The following MAPKAP1 variants were observed in gnomAD, a reference collection of about 807,000 sequenced individuals.
MAPKAP1 encodes the protein target of rapamycin complex 2 subunit MAPKAP1.
In MAPKAP1, 20 loss-of-function variants were observed where a neutral mutation model predicts 65.7. The ratio of observed to expected loss-of-function variants is 0.30; its 90% CI spans 0.21 to 0.44. The LOEUF is 0.44. Ranked by LOEUF, MAPKAP1 falls within the 20% of genes least tolerant of loss-of-function variation. The probability of loss-of-function intolerance (pLI) is 1.00; values close to 1 mark genes in which losing one functional copy is unlikely to be tolerated. For missense variants in MAPKAP1, 423 were observed against 648.0 expected, an observed-to-expected ratio of 0.65 and a Z score of 3.77; for synonymous variants, 222 against 244.3, an observed-to-expected ratio of 0.91 and a Z score of 0.85.
At chr9:125,602,686 T>C (rs1336926597) in intron 4 of MAPKAP1, among the ~76,000 whole-genome samples, 5 of 152,346 alleles carry the variant, frequency 3.3e-5, no homozygotes, top group African/African-American at 1.2e-4. Context: ...TCACTGCTGC[T>C]GTCATTTATT....
At chr9:125,579,885 C>A (rs1169887808) in intron 5 of MAPKAP1, among the ~76,000 whole-genome samples, 1 of 152,118 alleles carries the variant, frequency 6.6e-6, no homozygotes, top group Non-Finnish European at 1.5e-5. Flanking sequence ...TAAAAAATTT[C>A]AAAAGACCAT....
chr9:125,453,884 C>T (rs1209248827), intron 10 of MAPKAP1, among the ~76,000 whole-genome samples: 1 of 152,232 alleles, frequency 6.6e-6, no homozygotes, highest in Non-Finnish European at 1.5e-5. Context: ...TTTCCCAAAA[C>T]TCTAATTTTC....
At chr9:125,546,874 C>A (rs1476080831) in intron 6 of MAPKAP1, among the ~76,000 whole-genome samples, 1 of 152,108 alleles carries the variant, frequency 6.6e-6, no homozygotes, top group African/African-American at 2.4e-5. Flanking sequence ...AACCGCTCCT[C>A]CTCCTGCTCG....
intron 4 of MAPKAP1, among the ~76,000 whole-genome samples, chr9:125,602,891 C>G (rs1228897501): frequency 2.0e-5 from 3 of 152,036 alleles, no homozygotes; most frequent in African/African-American, 7.2e-5. Flanking sequence ...CCCTCTGATT[C>G]CGTTTTCTCT....
At chr9:125,585,780 C>T (rs1831765238) in intron 4 of MAPKAP1, 53 bp from the exon 5 acceptor site, 5 of 1,556,704 alleles carry the variant, frequency 3.2e-6, no homozygotes, top group Non-Finnish European at 4.4e-6. Flanking sequence ...TTATACAGAC[C>T]CCACTGCTCT....
At chr9:125,523,786 C>T (rs1236021302) in intron 7 of MAPKAP1, among the ~76,000 whole-genome samples, 1 of 152,168 alleles carries the variant, frequency 6.6e-6, no homozygotes. Flanking sequence ...GGTACGGCCA[C>T]CCCCAGGTGC....
intron 4 of MAPKAP1, among the ~76,000 whole-genome samples, chr9:125,642,161 C>A (rs1349292098): frequency 1.3e-5 from 2 of 150,346 alleles, no homozygotes; most frequent in East Asian, 3.9e-4. Flanking sequence ...GCCAAGATCA[C>A]ATCCCTGCAC....
intron 7 of MAPKAP1, among the ~76,000 whole-genome samples, chr9:125,524,393 A>C (rs1420922881): frequency 6.6e-6 from 1 of 152,280 alleles, no homozygotes; most frequent in South Asian, 2.1e-4. Flanking sequence ...AGTTTGGCAC[A>C]TAAGTGCTCA....
chr9:125,503,977 A>AC (rs1271756769), intron 8 of MAPKAP1, among the ~76,000 whole-genome samples: 9 of 148,518 alleles, frequency 6.1e-5, no homozygotes, highest in Non-Finnish European at 1.2e-4. Context: ...CCTCAGGTAA[A>AC]CCACTCACCT....
At chr9:125,451,808 GTT>G (rs71374268) in intron 10 of MAPKAP1, among the ~76,000 whole-genome samples, 6 of 117,858 alleles carry the variant, frequency 5.1e-5, no homozygotes, top group Non-Finnish European at 6.8e-5. Context: ...ACTCACAGGA[GTT>G]TTTTTTTTTT....
intron 8 of MAPKAP1, among the ~76,000 whole-genome samples, chr9:125,492,115 G>A (rs1205913080): frequency 6.6e-6 from 1 of 151,802 alleles, no homozygotes; most frequent in African/African-American, 2.4e-5. Flanking sequence ...GAGATGAGAG[G>A]ATCACTTGAG....
intron 4 of MAPKAP1, among the ~76,000 whole-genome samples, chr9:125,624,595 C>T (rs1478742395): frequency 1.8e-5 from 1 of 57,052 alleles, no homozygotes; most frequent in African/African-American, 6.9e-5. Context: ...CCAGCCGCCC[C>T]GTCCGGGAGG....
intron 4 of MAPKAP1, among the ~76,000 whole-genome samples, chr9:125,624,609 GT>G (rs1293081816): frequency 4.2e-5 from 2 of 48,178 alleles, no homozygotes; most frequent in African/African-American, 9.4e-5. Flanking sequence ...CGGGAGGGAG[GT>G]GGGGGGGGGG....
intron 3 of MAPKAP1, among the ~76,000 whole-genome samples, chr9:125,658,923 G>A (rs829318): frequency 0.9 from 136,375 of 152,084 alleles, 61,945 homozygotes; most frequent in East Asian, 1. Context: ...AGAGAACAGA[G>A]CTCCGAAAGA....
chr9:125,515,313 A>C (rs987551446), intron 7 of MAPKAP1, among the ~76,000 whole-genome samples: 2 of 152,192 alleles, frequency 1.3e-5, no homozygotes, highest in Non-Finnish European at 2.9e-5. Context: ...ATGACCCATC[A>C]GTTCTAATTT....
At chr9:125,465,967 A>G (rs1483188376) in intron 10 of MAPKAP1, among the ~76,000 whole-genome samples, 1 of 152,210 alleles carries the variant, frequency 6.6e-6, no homozygotes, top group East Asian at 1.9e-4. Context: ...AAGTAGTTAC[A>G]GTGACCACAG....
chr9:125,609,581 A>G (rs1832541326), intron 4 of MAPKAP1, among the ~76,000 whole-genome samples: 1 of 152,164 alleles, frequency 6.6e-6, no homozygotes, highest in Admixed American at 6.5e-5. Context: ...TCCCGAGCTC[A>G]AGTGATCCCC....
chr9:125,583,547 T>C (rs549476157), intron 5 of MAPKAP1, among the ~76,000 whole-genome samples: 1 of 152,318 alleles, frequency 6.6e-6, no homozygotes, highest in South Asian at 2.1e-4. Context: ...GAGAGGATAA[T>C]GTAATAGTGA....
chr9:125,653,539 GA>G (rs1385352860), intron 4 of MAPKAP1, among the ~76,000 whole-genome samples: 1 of 152,168 alleles, frequency 6.6e-6, no homozygotes, highest in East Asian at 1.9e-4. Context: ...GCTTAGGGGA[GA>G]AGGGCAGGGG....
Sources: allele counts gnomAD v4.1 joint callset (sites outside exome capture counted in the v4.1 genomes callset), GRCh38; gene constraint gnomAD v4.1.1; transcripts MANE v1.5; gene names NCBI Gene and HGNC (gene_info 2026-07-23, HGNC 2026-07-21).